MAST4: variants seen among roughly 807,000 people sequenced by gnomAD.
The protein encoded by MAST4 is microtubule associated serine/threonine kinase family member 4.
In MAST4, 89 loss-of-function variants were observed where a neutral mutation model predicts 162.7. The ratio of observed to expected loss-of-function variants is 0.55; its 90% confidence interval spans 0.46 to 0.65. The LOEUF is 0.65. Among genes scored for constraint, MAST4 ranks in the 30% least tolerant of loss-of-function variants. The probability of loss-of-function intolerance (pLI) is 0.00; values close to 1 mark genes in which losing one functional copy is unlikely to be tolerated. For missense variants in MAST4, 3,153 were observed against 3,374.0 expected (o/e 0.93, Z 1.62); for synonymous variants, 1,479 against 1,361.1 (o/e 1.09, Z -1.91).
chr5:66,860,685 T>A (rs1461834132), intron 3 of MAST4, among the ~76,000 whole-genome samples: 1 of 151,266 alleles, frequency 6.6e-6, no homozygotes, highest in Non-Finnish European at 1.5e-5. Flanking sequence ...GCTTCTATCT[T>A]TCTGTCATCT....
chr5:66,671,076 A>T lies in MAST4; in HGVS notation c.363+74058A>T, dbSNP rs148703848. Among the ~76,000 whole-genome samples the T allele has an allele frequency of 6.6e-5, 10 of 151,822 alleles. No individual in the cohort carries two copies. The East Asian group carries it at 1.9e-3, about 29-fold the overall frequency. ...TGATTGTGTGTGTGTGCCATTTCAT[A>T]GTCTTGTTCACTTGATCTGTTATAA... is the stretch of plus-strand genomic sequence containing the variant. On this transcript the variant is annotated intron_variant, in intron 1 of 28. Transcript: ENST00000403625.
In MAST4 at chr5:66,752,891, A is replaced by G. The variant is rs562747747; in HGVS notation, c.364-6818A>G. On this transcript the variant is annotated intron_variant, in intron 1 of 28. Coordinates refer to ENST00000403625, the MANE Select transcript of MAST4 (RefSeq NM_001164664.2). Reference sequence around the variant, plus strand: ...CCACACCTATTCCAAAATTGACCACATAGTTGGAAGTAAAGCTCTCCTCAG... The same window carrying G: ...CCACACCTATTCCAAAATTGACCACGTAGTTGGAAGTAAAGCTCTCCTCAG... Among the ~76,000 whole-genome samples the G allele has an allele frequency of 6.9e-3, 1,047 of 152,232 alleles. 12 individuals are homozygous for G. The highest frequency in any genetic ancestry group is 0.023 in the African/African-American group (970 of 41,530).
At chr5:66,730,533 G>A (rs1202145174) in intron 1 of MAST4, among the ~76,000 whole-genome samples, 1 of 152,104 alleles carries the variant, frequency 6.6e-6, no homozygotes, top group Non-Finnish European at 1.5e-5. Flanking sequence ...CTCATTATAA[G>A]GGCATTTGAC....
At chr5:66,637,397 A>G (rs913552121) in intron 1 of MAST4, among the ~76,000 whole-genome samples, 1 of 152,150 alleles carries the variant, frequency 6.6e-6, no homozygotes, top group African/African-American at 2.4e-5. Flanking sequence ...ATGTATTGTC[A>G]CATCATCCTT....
chr5:66,957,873 T>A (rs765022820), intron 4 of MAST4, among the ~76,000 whole-genome samples: 1 of 152,196 alleles, frequency 6.6e-6, no homozygotes, highest in Non-Finnish European at 1.5e-5. Flanking sequence ...GACCAGATGT[T>A]GGTTCCTACT....
intron 5 of MAST4, among the ~76,000 whole-genome samples, chr5:67,083,494 C>T (rs1432017451): frequency 6.6e-6 from 1 of 152,048 alleles, no homozygotes; most frequent in Admixed American, 6.6e-5. Flanking sequence ...CTAGAAATTA[C>T]TCAGCAATTG....
In MAST4 at chr5:67,112,014, A is replaced by G. The variant is rs144188862; in HGVS notation, c.1458+1815A>G. Among the ~76,000 whole-genome samples, 257 of 150,994 alleles carry G rather than the reference A, an allele frequency of 1.7e-3. 1 individual carries two copies. Among genetic ancestry groups the G allele is most frequent in the African/African-American group, 6.0e-3 (245 of 41,124 alleles). ...ATGTTTGTAAAGGCTCTGAGTATTTACATTGGTTTGACTTTACTCCACTTG... is the reference window on the plus strand; with the variant it reads ...ATGTTTGTAAAGGCTCTGAGTATTTGCATTGGTTTGACTTTACTCCACTTG... On this transcript the variant is annotated intron_variant, in intron 11 of 28. Coordinates refer to ENST00000403625, the MANE Select transcript of MAST4 (RefSeq NM_001164664.2).
intron 18 of MAST4, among the ~76,000 whole-genome samples, chr5:67,135,372 G>A (rs1020769880): frequency 7.2e-5 from 11 of 152,086 alleles, no homozygotes; most frequent in Admixed American, 3.9e-4. Flanking sequence ...CCTACCTGCC[G>A]ATTTTATAAA....
At chr5:66,616,082 T>C (rs78511938) in intron 1 of MAST4, among the ~76,000 whole-genome samples, 16,147 of 152,268 alleles carry the variant, frequency 0.11, 1,050 homozygotes, top group African/African-American at 0.17. Flanking sequence ...ATGCAATAAA[T>C]CTTTGTTGAA....
chr5:66,920,160 C>T (rs922927850), intron 4 of MAST4, among the ~76,000 whole-genome samples: 1 of 152,014 alleles, frequency 6.6e-6, no homozygotes, highest in Non-Finnish European at 1.5e-5. Flanking sequence ...AAGAGTCAAT[C>T]GTGATATATT....
At chr5:66,841,622 A>G (rs1430316753) in intron 3 of MAST4, among the ~76,000 whole-genome samples, 1 of 152,104 alleles carries the variant, frequency 6.6e-6, no homozygotes, top group African/African-American at 2.4e-5. Flanking sequence ...TAATAAGGGC[A>G]TTAATCCCAT....
chr5:67,166,045 C>T lies in MAST4; in HGVS notation c.6866C>T (p.Thr2289Ile), dbSNP rs2151141159. 1.2e-6 allele frequency: 2 copies of T among 1,613,868 alleles called. No individual in the cohort carries two copies. Among genetic ancestry groups the T allele is most frequent in the Admixed American group, 1.7e-5 (1 of 60,028 alleles). Residue 2289 changes from threonine (T) to isoleucine (I), a missense_variant, in exon 29 of 29, where the codon ACC (threonine) becomes ATC (isoleucine). Coordinates refer to ENST00000403625, the MANE Select transcript of MAST4 (RefSeq NM_001164664.2). ...CCTCTAGACGCCAAGCCACAACCCACCAGTGGTGGGCGGCCCCTGGAGGTG... is the reference window on the plus strand; with the variant it reads ...CCTCTAGACGCCAAGCCACAACCCATCAGTGGTGGGCGGCCCCTGGAGGTG... ...RAPLDAKPQP[T>I]SGGRPLEVLE...
At chr5:67,100,110 A>G (rs1057268255) in intron 7 of MAST4, among the ~76,000 whole-genome samples, 1 of 152,226 alleles carries the variant, frequency 6.6e-6, no homozygotes, top group African/African-American at 2.4e-5. Context: ...AATCTGTGAT[A>G]CAGTGCTCCC....
chr5:67,096,972 A>T (rs1183897412), intron 7 of MAST4, among the ~76,000 whole-genome samples: 1 of 152,170 alleles, frequency 6.6e-6, no homozygotes, highest in Non-Finnish European at 1.5e-5. Context: ...GTCATCCTTG[A>T]TTCTTATGGC....
intron 1 of MAST4, among the ~76,000 whole-genome samples, chr5:66,644,562 C>T (rs1000548621): frequency 9.2e-5 from 14 of 152,086 alleles, no homozygotes; most frequent in Admixed American, 3.9e-4. Context: ...TGTTCCAGAA[C>T]GGTAGTATTC....
chr5:67,165,322 C>G lies in MAST4; in HGVS notation c.6143C>G (p.Pro2048Arg). Residue 2048 changes from proline to arginine, a missense_variant, in exon 29 of 29, where the codon CCA (proline) becomes CGA (arginine). Physicochemically the swap from Pro to Arg is moderately radical, Grantham distance 103. This residue lies in a region of MAST4 where 1,644 missense variants were observed against 1,495.0 expected (regional missense o/e 1.10). Coordinates refer to ENST00000403625, the MANE Select transcript of MAST4 (RefSeq NM_001164664.2). ...GGGAAAACGAACCACAAAGATGGCC[C>G]AGGTGAGGCGAGGCCCCCGCCCAGA... ...PGGKTNHKDG[P>R]GEARPPPRDN... 1 of 1,613,620 alleles carries G rather than the reference C, an allele frequency of 6.2e-7. No individual in the cohort carries two copies. Among genetic ancestry groups the G allele is most frequent in the South Asian group, 1.1e-5 (1 of 91,076 alleles).
rs2151156132 is a variant in MAST4, at chr5:67,168,808, T to C, written c.*1757T>C. ...GATTGTAAATCTTCTAGTGAGGCTATAAACTCCACTCTGAAAACAAAGGCA... is the reference window on the plus strand; with the variant it reads ...GATTGTAAATCTTCTAGTGAGGCTACAAACTCCACTCTGAAAACAAAGGCA... On this transcript the variant is annotated 3_prime_UTR_variant, in exon 29 of 29. Transcript: ENST00000403625. 1 of 152,312 alleles carries C rather than the reference T, an allele frequency of 6.6e-6. No individual in the cohort carries two copies. Among genetic ancestry groups the C allele is most frequent in the East Asian group, 1.9e-4 (1 of 5,186 alleles). The allele number at this position is 152,312 out of a possible 1,614,324, so 9.4% of individuals were successfully genotyped here. A position where few individuals can be genotyped will look rare whatever the true frequency, so the allele number is the denominator to read the frequency against.
intron 1 of MAST4, among the ~76,000 whole-genome samples, chr5:66,726,246 G>A (rs1751510692): frequency 6.6e-6 from 1 of 152,052 alleles, no homozygotes; most frequent in Non-Finnish European, 1.5e-5. Context: ...TAGTGGAAGT[G>A]GCAGGTGTAT....
intron 3 of MAST4, among the ~76,000 whole-genome samples, chr5:66,834,337 C>G (rs1021992322): frequency 3.9e-5 from 6 of 152,122 alleles, no homozygotes; most frequent in African/African-American, 1.4e-4. Flanking sequence ...GAGACAGGAC[C>G]TGTGACCTTA....
Sources: allele counts gnomAD v4.1 joint callset (sites outside exome capture counted in the v4.1 genomes callset), GRCh38; gene constraint gnomAD v4.1.1; regional missense constraint gnomAD v4.1.1; transcripts MANE v1.5; gene names NCBI Gene and HGNC (gene_info 2026-07-23, HGNC 2026-07-21).